KIAA1217: variants seen among roughly 807,000 people sequenced by gnomAD.
The protein encoded by KIAA1217 is KIAA1217, also known as sickle tail protein homolog.
Under a neutral mutation model 163.9 loss-of-function variants are expected in KIAA1217, and 88 were observed. The ratio of observed to expected loss-of-function variants is 0.54; its 90% CI spans 0.45 to 0.64. The LOEUF (loss-of-function observed/expected upper bound fraction) is 0.64. KIAA1217 is among the 30% of genes least tolerant of loss of function. The pLI is 0.00. For synonymous variants in KIAA1217, 903 were observed against 923.1 expected, an observed-to-expected ratio of 0.98 and a Z score of 0.39; for missense variants, 2,372 against 2,475.0, an observed-to-expected ratio of 0.96 and a Z score of 0.88.
At chr10:24,250,766 C>T (rs2074412593) in intron 2 of KIAA1217, among the ~76,000 whole-genome samples, 2 of 146,360 alleles carry the variant, frequency 1.4e-5, no homozygotes, top group South Asian at 4.7e-4. Flanking sequence ...TGTCAACTTT[C>T]ATTGGTCAAT....
chr10:23,840,057 A>G (rs988193271), intron 1 of KIAA1217, among the ~76,000 whole-genome samples: 11 of 152,026 alleles, frequency 7.2e-5, no homozygotes, highest in Non-Finnish European at 1.6e-4. Flanking sequence ...AGTGGTGGAA[A>G]TTGCCTAATG....
At chr10:24,434,760 G>A (rs539143343) in intron 4 of KIAA1217, among the ~76,000 whole-genome samples, 1 of 152,320 alleles carries the variant, frequency 6.6e-6, no homozygotes, top group East Asian at 1.9e-4. Context: ...TGCTAGTATG[G>A]TCTCTAAACA....
chr10:24,001,142 T>C (rs1846726143), intron 1 of KIAA1217, among the ~76,000 whole-genome samples: 1 of 152,192 alleles, frequency 6.6e-6, no homozygotes, highest in African/African-American at 2.4e-5. Flanking sequence ...GAAATGTTGC[T>C]CTACTTATAA....
chr10:24,457,647 C>T lies in KIAA1217; in HGVS notation c.847-15581C>T, dbSNP rs567649282. ...AACTCCTGGCTTCTAGCCATCCTCC[C>T]GCCTTGGCCTCCCAAAGTGCTAGGT... On this transcript the variant is annotated intron_variant, in intron 5 of 20. Transcript: ENST00000376454. Among the ~76,000 whole-genome samples, 97 of 152,168 alleles carry T rather than the reference C, an allele frequency of 6.4e-4. No homozygotes were observed. The East Asian group carries it at 0.017, about 26-fold the overall frequency.
chr10:23,907,178 C>T (rs1368608134), intron 1 of KIAA1217, among the ~76,000 whole-genome samples: 2 of 152,050 alleles, frequency 1.3e-5, no homozygotes, highest in African/African-American at 4.8e-5. Flanking sequence ...AACAAATAGG[C>T]TGCATCTTTT....
chr10:23,880,381 T>C (rs1470993730), intron 1 of KIAA1217, among the ~76,000 whole-genome samples: 4 of 151,908 alleles, frequency 2.6e-5, no homozygotes, highest in South Asian at 2.1e-4. Flanking sequence ...CTCACTTATC[T>C]GTGGGAGCTA....
intron 2 of KIAA1217, among the ~76,000 whole-genome samples, chr10:24,139,156 A>G (rs1251358414): frequency 6.6e-6 from 1 of 152,106 alleles, no homozygotes; most frequent in African/African-American, 2.4e-5. Flanking sequence ...GATTGCTGTT[A>G]TCACTTTTAA....
At chr10:23,858,435 G>GTATA (rs10685806) in intron 1 of KIAA1217, among the ~76,000 whole-genome samples, 1 of 149,924 alleles carries the variant, frequency 6.7e-6, no homozygotes, top group East Asian at 2.0e-4. Flanking sequence ...TATATATGCT[G>GTATA]TATATATATA....
At chr10:24,095,816 TA>T in intron 2 of KIAA1217, among the ~76,000 whole-genome samples, 1 of 152,252 alleles carries the variant, frequency 6.6e-6, no homozygotes, top group East Asian at 1.9e-4. Flanking sequence ...TGTCCAAAAC[TA>T]AACTTGCACC....
At chr10:23,848,276 T>C (rs747260101) in intron 1 of KIAA1217, among the ~76,000 whole-genome samples, 18 of 152,106 alleles carry the variant, frequency 1.2e-4, no homozygotes, top group Non-Finnish European at 2.5e-4. Context: ...TTGTTAATTT[T>C]CTGTCTCATT....
intron 2 of KIAA1217, among the ~76,000 whole-genome samples, chr10:24,098,084 T>C (rs944189998): frequency 4.6e-5 from 7 of 152,080 alleles, no homozygotes; most frequent in African/African-American, 1.7e-4. Flanking sequence ...AAGCCGTGCT[T>C]GTGAGCATGT....
At chr10:23,880,277 A>G (rs1462255094) in intron 1 of KIAA1217, among the ~76,000 whole-genome samples, 2 of 151,998 alleles carry the variant, frequency 1.3e-5, no homozygotes, top group African/African-American at 4.8e-5. Flanking sequence ...ATAAAAAAAA[A>G]TGAGATGCTG....
rs1265296159 is a variant in KIAA1217 at position 24,294,854 on chromosome 10, G to A, written c.354+74945G>A. ...ATTCGGTCACTGTCCACATTGCCAG[G>A]GTGTCAAATCACACATACCCTGCCT... On this transcript the variant is annotated intron_variant, in intron 2 of 20. Transcript: ENST00000376454. Among the ~76,000 whole-genome samples, 9 of 152,230 alleles carry A rather than the reference G, an allele frequency of 5.9e-5. No homozygotes were observed. The East Asian group carries it at 1.5e-3, about 26-fold the overall frequency.
intron 1 of KIAA1217, among the ~76,000 whole-genome samples, chr10:23,719,406 C>T (rs551724197): frequency 7.2e-5 from 11 of 152,036 alleles, no homozygotes; most frequent in African/African-American, 2.4e-4. Context: ...CATAGCGACA[C>T]GCTATCTCTA....
At chr10:23,980,846 T>A (rs1393741693) in intron 1 of KIAA1217, among the ~76,000 whole-genome samples, 2 of 152,168 alleles carry the variant, frequency 1.3e-5, no homozygotes, top group African/African-American at 4.8e-5. Flanking sequence ...AAACTTCTCA[T>A]CTGTAGCTAT....
At chr10:23,964,250 G>C (rs1844954055) in intron 1 of KIAA1217, among the ~76,000 whole-genome samples, 2 of 150,944 alleles carry the variant, frequency 1.3e-5, no homozygotes, top group Non-Finnish European at 1.5e-5. Flanking sequence ...GTCTTCTTTT[G>C]AGAAGTGTCT....
intron 1 of KIAA1217, among the ~76,000 whole-genome samples, chr10:23,995,135 G>A (rs571924417): frequency 4.6e-5 from 7 of 152,282 alleles, no homozygotes; most frequent in African/African-American, 7.2e-5. Flanking sequence ...AGCACTTGCC[G>A]TGTGCCAAGC....
intron 1 of KIAA1217, among the ~76,000 whole-genome samples, chr10:23,808,993 T>G (rs1836865131): frequency 6.6e-6 from 1 of 152,128 alleles, no homozygotes; most frequent in Non-Finnish European, 1.5e-5. Context: ...GGACATGATG[T>G]AAGACAGTAA....
At chr10:24,118,858 T>C (rs2063166783) in intron 2 of KIAA1217, among the ~76,000 whole-genome samples, 1 of 152,166 alleles carries the variant, frequency 6.6e-6, no homozygotes, top group Admixed American at 6.5e-5. Flanking sequence ...ACTAGATCAG[T>C]CTTTCTTTTT....
Sources: allele counts gnomAD v4.1 joint callset (sites outside exome capture counted in the v4.1 genomes callset), GRCh38; gene constraint gnomAD v4.1.1; transcripts MANE v1.5; gene names NCBI Gene and HGNC (gene_info 2026-07-23, HGNC 2026-07-21).